Variants in ATRIP observed in about 807,000 individuals in gnomAD.
ATRIP encodes ATR interacting protein.
ATRIP carries 44 observed loss-of-function variants against 78.1 expected under a neutral mutation model. The ratio of observed to expected loss-of-function variants is 0.56; its 90% CI spans 0.44 to 0.72. The LOEUF is 0.72. ATRIP is among the 30% of genes least tolerant of loss of function. The pLI, the probability that ATRIP is intolerant of heterozygous loss-of-function variation, is 0.00. For missense variants in ATRIP, 927 were observed against 980.2 expected (o/e 0.95, Z 0.72); for synonymous variants, 388 against 408.9 (o/e 0.95, Z 0.62).
intron 8 of ATRIP, among the ~76,000 whole-genome samples, chr3:48,461,194 G>A (rs1028921803): frequency 1.3e-5 from 2 of 152,222 alleles, no homozygotes; most frequent in African/African-American, 4.8e-5. Flanking sequence ...ATGTGGAGAG[G>A]GTCTGCAGCC....
At chr3:48,448,003 A>G (rs1306420988) in intron 1 of ATRIP, among the ~76,000 whole-genome samples, 1 of 152,112 alleles carries the variant, frequency 6.6e-6, no homozygotes, top group Non-Finnish European at 1.5e-5. Context: ...CAGCTGCCTG[A>G]TCTGTGTTAC....
Position 48,467,294 on chromosome 3 carries a change from G to A in ATRIP, c.*1740G>A. The stretch of plus-strand genomic sequence containing the variant: ...TCAGCATCTGTCAGTGGAGACCACA[G>A]GCCCTGCTGCGGTGGGTGGATGCTC... On this transcript the variant is annotated 3_prime_UTR_variant, in exon 13 of 13. Transcript: ENST00000320211. 1 of 1,614,176 alleles carries A rather than the reference G, an allele frequency of 6.2e-7. No homozygotes were observed. The highest frequency in any genetic ancestry group is 8.5e-7 in the Non-Finnish European group (1 of 1,180,038).
rs1575290759 is a variant in ATRIP at position 48,466,285 on chromosome 3, A to C, written c.*731A>C. 5 of 668,022 alleles carry C rather than the reference A, an allele frequency of 7.5e-6. No homozygotes were observed. In the East Asian group the frequency reaches 1.4e-4, roughly 18 times the overall value. The allele number at this position is 668,022 out of a possible 1,614,324, so 41.4% of individuals were successfully genotyped here. A position where few individuals can be genotyped will look rare whatever the true frequency, so the allele number is the denominator to read the frequency against. On this transcript the variant is annotated 3_prime_UTR_variant, in exon 13 of 13. Coordinates refer to ENST00000320211, the MANE Select transcript of ATRIP (RefSeq NM_130384.3). ...CGGGAGAGTGTGCAGCCGAGTCACTACTGCCTGCCTGCCTGCCTGCTACGG... is the reference window on the plus strand; with the variant it reads ...CGGGAGAGTGTGCAGCCGAGTCACTCCTGCCTGCCTGCCTGCCTGCTACGG...
At chr3:48,447,216 A>T in intron 1 of ATRIP, 124 bp downstream of exon 1, 1 of 1,274,254 alleles carries the variant, frequency 7.8e-7, no homozygotes, top group Admixed American at 4.2e-5. Context: ...ATATGGGAAC[A>T]CCCTGATTTA....
At chr3:48,456,163 C>T (rs1320649189) in intron 4 of ATRIP, among the ~76,000 whole-genome samples, 1 of 151,904 alleles carries the variant, frequency 6.6e-6, no homozygotes, top group African/African-American at 2.4e-5. Context: ...ATGTTTTGCA[C>T]CAGGCATGGT....
intron 8 of ATRIP, among the ~76,000 whole-genome samples, chr3:48,461,980 A>C (rs1199209320): frequency 6.6e-6 from 1 of 152,122 alleles, no homozygotes; most frequent in East Asian, 1.9e-4. Flanking sequence ...TGCAAGGATT[A>C]CAGGCGTGAG....
At chr3:48,447,436 T>G in intron 1 of ATRIP, 1 of 1,019,384 alleles carries the variant, frequency 9.8e-7, no homozygotes, top group Non-Finnish European at 1.2e-6. Context: ...TGGGGACCCA[T>G]TCTTGTGACA....
intron 5 of ATRIP, among the ~76,000 whole-genome samples, chr3:48,457,718 C>T (rs1473146209): frequency 6.6e-6 from 1 of 152,118 alleles, no homozygotes; most frequent in East Asian, 1.9e-4. Context: ...CCAGAGAGAG[C>T]GAGCCAGGCA....
chr3:48,459,602 TATA>T lies in ATRIP; in HGVS notation c.925+150_925+152del, dbSNP rs1373345902. ...AGTATGTGGCTTAAGCAGAAGACTT[TATA>T]AAGTGGAAAGGGCCAAGGGCAGGTA... On this transcript the variant is annotated intron_variant, in intron 6 of 12. Transcript: ENST00000320211. The T allele has an allele frequency of 6.1e-6, 7 of 1,143,512 alleles. 1 individual carries two copies. The highest frequency in any genetic ancestry group is 8.8e-6 in the Non-Finnish European group (7 of 792,368). The allele number at this position is 1,143,512 out of a possible 1,614,324, so 70.8% of individuals were successfully genotyped here.
Position 48,467,004 on chromosome 3 carries a change from C to T in ATRIP, c.*1450C>T. ...CCTAGCCTTCCTGCGGCGCCAGCCA[C>T]AGCCCTGGTGCCTGGTGGCACACAA... On this transcript the variant is annotated 3_prime_UTR_variant, in exon 13 of 13. Transcript: ENST00000320211. The T allele has an allele frequency of 1.9e-6, 3 of 1,613,800 alleles. No individual in the cohort carries two copies. Among genetic ancestry groups the T allele is most frequent in the Non-Finnish European group, 2.5e-6 (3 of 1,180,036 alleles).
At position 48,466,571 on chromosome 3, in the gene ATRIP, C is replaced by G; in HGVS notation, c.*1017C>G. ...GCTTCTGCCCACCCCCTACCCCACT[C>G]CCTCCCCTTCGGATCTTAACACTGG... On this transcript the variant is annotated 3_prime_UTR_variant, in exon 13 of 13. Transcript: ENST00000320211. The G allele has an allele frequency of 6.2e-7, 1 of 1,613,868 alleles. No individual in the cohort carries two copies. The highest frequency in any genetic ancestry group is 8.5e-7 in the Non-Finnish European group (1 of 1,179,942).
chr3:48,459,296 A>G, intron 5 of ATRIP, 63 bp from the exon 6 acceptor site: 1 of 1,400,426 alleles, frequency 7.1e-7, no homozygotes. Context: ...ATTGCATGTA[A>G]AAGTTTCTAA....
In ATRIP at chr3:48,446,918, G is replaced by A. The variant is rs1026878004; in HGVS notation, c.73G>A (p.Gly25Ser). 4 of 1,407,056 alleles carry A rather than the reference G, an allele frequency of 2.8e-6. No homozygotes were observed. In the African/African-American group the frequency reaches 6.0e-5, roughly 21 times the overall value. The allele number at this position is 1,407,056 out of a possible 1,614,324, so 87.2% of individuals were successfully genotyped here. A position where few individuals can be genotyped will look rare whatever the true frequency, so the allele number is the denominator to read the frequency against. ...PPAPRPGPPP[G>S]TGHPPSKRAR... ...GGCGCCTCGCCCCGGCCCGCCGCCGGGCACCGGGCACCCCCCGAGCAAGCG... is the reference window on the plus strand; with the variant it reads ...GGCGCCTCGCCCCGGCCCGCCGCCGAGCACCGGGCACCCCCCGAGCAAGCG... The change falls in exon 1 of 13, where the codon GGC (glycine) becomes AGC (serine). Residue 25 changes from glycine (G) to serine (S), a missense_variant. Gly to Ser is a moderately conservative substitution (Grantham distance 56, BLOSUM62 0). Coordinates refer to ENST00000320211, the MANE Select transcript of ATRIP (RefSeq NM_130384.3).
chr3:48,459,940 C>T (rs756439110), intron 7 of ATRIP, 24 bp downstream of exon 7: 2 of 1,590,990 alleles, frequency 1.3e-6, no homozygotes, highest in Non-Finnish European at 1.7e-6. Flanking sequence ...TCCTGGAAAG[C>T]TTGTTTGGGA....
Position 48,466,919 on chromosome 3 carries a change from C to G in ATRIP, c.*1365C>G. On this transcript the variant is annotated 3_prime_UTR_variant, in exon 13 of 13. Coordinates refer to ENST00000320211, the MANE Select transcript of ATRIP (RefSeq NM_130384.3). ...CAGCCAGCGAGATCACAGGTCTGAG[C>G]ACAGCTGTGCTGGCAGCGCATGGGC... 5.6e-6 allele frequency: 9 copies of G among 1,611,644 alleles called. No individual in the cohort carries two copies. Among genetic ancestry groups the G allele is most frequent in the Non-Finnish European group, 7.6e-6 (9 of 1,180,022 alleles).
rs925677400 is a variant in ATRIP at position 48,467,473 on chromosome 3, T to C, written c.*1919T>C. 7.4e-6 allele frequency: 12 copies of C among 1,614,130 alleles called. No homozygotes were observed. Among genetic ancestry groups the C allele is most frequent in the Non-Finnish European group, 1.0e-5 (12 of 1,180,008 alleles). On this transcript the variant is annotated 3_prime_UTR_variant, in exon 13 of 13. Coordinates refer to ENST00000320211, the MANE Select transcript of ATRIP (RefSeq NM_130384.3). ...GGAGAGAGCAGGGGTACCAAGGATC[T>C]TCCTCCAGTGAAGGACCCTGGAGCC... is the stretch of plus-strand genomic sequence containing the variant.
At chr3:48,461,366 C>T (rs1254947757) in intron 8 of ATRIP, 2 of 152,450 alleles carry the variant, frequency 1.3e-5, no homozygotes, top group Non-Finnish European at 2.9e-5. Context: ...TCCAGAGCCG[C>T]AAGATTGGGG....
intron 10 of ATRIP, 137 bp from the exon 11 acceptor site, chr3:48,464,445 C>T (rs1037657297): frequency 1.9e-5 from 19 of 1,023,952 alleles, no homozygotes; most frequent in East Asian, 1.4e-4. Context: ...CTGGGAAGGT[C>T]CCACACCACT....
chr3:48,466,611 A>C lies in ATRIP; in HGVS notation c.*1057A>C. 1 of 1,610,124 alleles carries C rather than the reference A, an allele frequency of 6.2e-7. No homozygotes were observed. The highest frequency in any genetic ancestry group is 8.5e-7 in the Non-Finnish European group (1 of 1,178,932). ...CTTAACACTGGGCACTCACACACCC[A>C]CCCCATGCTCCTCTCCAGGCTCAGC... On this transcript the variant is annotated 3_prime_UTR_variant, in exon 13 of 13. Transcript: ENST00000320211.
Sources: allele counts gnomAD v4.1 joint callset (sites outside exome capture counted in the v4.1 genomes callset), GRCh38; gene constraint gnomAD v4.1.1; transcripts MANE v1.5; gene names NCBI Gene and HGNC (gene_info 2026-07-23, HGNC 2026-07-21).